GLIS3: variants seen among roughly 807,000 people sequenced by gnomAD.
GLIS3 encodes zinc finger protein GLIS3.
Under a neutral mutation model 78.6 loss-of-function variants are expected in GLIS3, and 53 were observed. The observed-to-expected ratio is 0.67, with a 90% CI of 0.54 to 0.85. The LOEUF (loss-of-function observed/expected upper bound fraction) is 0.85, where lower values mean the gene tolerates loss of function less well. GLIS3 is among the 40% of genes least tolerant of loss of function. The probability of loss-of-function intolerance (pLI) is 0.00; values close to 1 mark genes in which losing one functional copy is unlikely to be tolerated. For missense variants in GLIS3, 1,703 were observed against 1,231.1 expected (o/e 1.38, Z -5.74); for synonymous variants, 684 against 509.9 (o/e 1.34, Z -4.60).
the GLIS3 span, among the ~76,000 whole-genome samples, chr9:4,404,272 C>T: frequency 6.6e-6 from 1 of 152,146 alleles, no homozygotes; most frequent in East Asian, 1.9e-4. Context: ...ACAATAATAA[C>T]TGGAGACTTC....
the GLIS3 span, among the ~76,000 whole-genome samples, chr9:4,378,530 T>C: frequency 6.6e-6 from 1 of 152,188 alleles, no homozygotes; most frequent in Non-Finnish European, 1.5e-5. Flanking sequence ...TTATCTGAAA[T>C]TGAAATTTGA....
At chr9:3,851,090 T>A (rs1445462237) in intron 9 of GLIS3, among the ~76,000 whole-genome samples, 1 of 152,200 alleles carries the variant, frequency 6.6e-6, no homozygotes, top group African/African-American at 2.4e-5. Flanking sequence ...GTCTCCTTGA[T>A]GGGCCCAGAA....
intron 4 of GLIS3, among the ~76,000 whole-genome samples, chr9:3,957,660 G>T (rs572172897): frequency 1.9e-4 from 29 of 152,330 alleles, no homozygotes; most frequent in Middle Eastern, 3.4e-3. Context: ...CATATCGCAT[G>T]ACTCTGGAAA....
At position 4,319,563 on chromosome 9, in the gene GLIS3, T is replaced by A. The variant is rs747069933; in HGVS notation, n.265-9035A>T. 1.5e-4 allele frequency among the ~76,000 whole-genome samples: 23 copies of A among 152,034 alleles called. 1 individual carries two copies. The highest frequency in any genetic ancestry group is 2.9e-4 in the Non-Finnish European group (20 of 68,026). ...TTTTTTTCTAGAAACAGGTTCTTCCTCTGTCACCAAGGCTGGAATGCAGTG... is the reference window on the plus strand; with the variant it reads ...TTTTTTTCTAGAAACAGGTTCTTCCACTGTCACCAAGGCTGGAATGCAGTG... On this transcript the variant is annotated intron_variant and non_coding_transcript_variant, in intron 2 of 4. Transcript: ENST00000471664.
At chr9:3,985,564 T>C (rs943732721) in intron 4 of GLIS3, among the ~76,000 whole-genome samples, 2 of 152,222 alleles carry the variant, frequency 1.3e-5, no homozygotes, top group African/African-American at 4.8e-5. Flanking sequence ...AAAGCAGATG[T>C]TTGCTCCTCT....
At chr9:3,923,674 A>G (rs969455973) in intron 6 of GLIS3, among the ~76,000 whole-genome samples, 1 of 152,156 alleles carries the variant, frequency 6.6e-6, no homozygotes, top group Non-Finnish European at 1.5e-5. Context: ...AAAAGTCAGA[A>G]AGTTTAAGAT....
At chr9:4,147,298 A>C (rs1416039674) in intron 2 of GLIS3, 1 of 152,142 alleles carries the variant, frequency 6.6e-6, no homozygotes, top group Non-Finnish European at 1.5e-5. Context: ...ATTTCTTACC[A>C]TTATTCTTCC....
rs148853436 is a variant in GLIS3, at chr9:3,891,683, C to T, written c.2128+7008G>A. Among the ~76,000 whole-genome samples, 18 of 152,248 alleles carry T rather than the reference C, an allele frequency of 1.2e-4. No homozygotes were observed. In the East Asian group the frequency reaches 3.5e-3, roughly 29 times the overall value. Reference sequence around the variant, plus strand: ...TGCCACTGCACTCTAGCGTGAGTGGCAAAGCAAGATCCTGTCTCAAAAGAA... The same window carrying T: ...TGCCACTGCACTCTAGCGTGAGTGGTAAAGCAAGATCCTGTCTCAAAAGAA... On this transcript the variant is annotated intron_variant, in intron 7 of 10. Transcript: ENST00000381971.
In GLIS3 at chr9:4,286,177, G is replaced by A; in HGVS notation, c.249C>T (p.Ala83=). ...TGAGCATTTGTCTCCTGGGGCTTAA[G>A]GCAGGCAGATGGATGCGGCTCTCAG... ...NVAESRIHLP[A]LSPRRQMLTN... is the part of the protein sequence containing the mutation. Residue 83 remains alanine (A), a synonymous_variant, in exon 2 of 11, where the codon GCC becomes GCT. Transcript: ENST00000381971. The A allele has an allele frequency of 6.2e-7, 1 of 1,614,232 alleles. No individual in the cohort carries two copies. The highest frequency in any genetic ancestry group is 8.5e-7 in the Non-Finnish European group (1 of 1,180,050).
chr9:4,347,537 G>T (rs1411101839), intron 1 of GLIS3, among the ~76,000 whole-genome samples: 1 of 152,186 alleles, frequency 6.6e-6, no homozygotes, highest in African/African-American at 2.4e-5. Flanking sequence ...ACCTGGAAGT[G>T]GAGCTCAGGA....
At chr9:3,875,607 C>T (rs570215315) in intron 8 of GLIS3, 2 of 152,140 alleles carry the variant, frequency 1.3e-5, no homozygotes, top group Non-Finnish European at 2.9e-5. Flanking sequence ...ATATACAAAC[C>T]AAAAGCGGAA....
chr9:4,428,317 A>G, the GLIS3 span, among the ~76,000 whole-genome samples: 2 of 151,926 alleles, frequency 1.3e-5, no homozygotes, highest in African/African-American at 2.4e-5. Flanking sequence ...CATGTCTACT[A>G]AAAATACAAA....
At chr9:4,055,324 C>G (rs2130509856) in intron 4 of GLIS3, among the ~76,000 whole-genome samples, 1 of 152,294 alleles carries the variant, frequency 6.6e-6, no homozygotes, top group African/African-American at 2.4e-5. Flanking sequence ...ATTCCAGGTG[C>G]ATTTAAATCA....
intron 6 of GLIS3, among the ~76,000 whole-genome samples, chr9:3,910,653 G>T (rs1280001650): frequency 6.6e-6 from 1 of 152,198 alleles, no homozygotes; most frequent in Non-Finnish European, 1.5e-5. Context: ...TTTTATACAG[G>T]TAAGAGGACA....
intron 4 of GLIS3, among the ~76,000 whole-genome samples, chr9:3,960,072 G>A (rs1817446710): frequency 6.6e-6 from 1 of 152,194 alleles, no homozygotes; most frequent in South Asian, 2.1e-4. Context: ...AGGAGGCGGA[G>A]GTTGCAGTGA....
At chr9:4,374,407 G>T in the GLIS3 span, among the ~76,000 whole-genome samples, 1 of 152,164 alleles carries the variant, frequency 6.6e-6, no homozygotes, top group Non-Finnish European at 1.5e-5. Flanking sequence ...CCACCTTATA[G>T]CATATTTCAA....
chr9:4,176,988 G>A (rs1816864000), intron 2 of GLIS3, among the ~76,000 whole-genome samples: 4 of 152,192 alleles, frequency 2.6e-5, no homozygotes. Flanking sequence ...ATTGGGTTAT[G>A]TGTCAGAGCA....
At chr9:3,858,459 T>A (rs1819935719) in intron 8 of GLIS3, among the ~76,000 whole-genome samples, 1 of 152,104 alleles carries the variant, frequency 6.6e-6, no homozygotes, top group African/African-American at 2.4e-5. Flanking sequence ...CAAACCATGG[T>A]TTTAGCACTG....
At chr9:4,218,302 G>A (rs1425107952) in intron 2 of GLIS3, among the ~76,000 whole-genome samples, 1 of 143,896 alleles carries the variant, frequency 6.9e-6, no homozygotes. Flanking sequence ...TTTTTTTTTT[G>A]AGATGGAGTC....
Sources: gnomAD v4.1 joint callset for allele counts (sites outside exome capture counted in the v4.1 genomes callset) on GRCh38, gnomAD v4.1.1 for gene constraint, MANE v1.5 for transcripts, NCBI Gene and HGNC (gene_info 2026-07-23, HGNC 2026-07-21) for gene names.